The following TNR variants were observed in gnomAD, a reference collection of about 807,000 sequenced individuals.
The protein encoded by TNR is tenascin R, also known as tenascin-R.
TNR carries 45 observed loss-of-function variants against 150.4 expected under a neutral mutation model. The observed-to-expected ratio is 0.30, with a 90% CI of 0.24 to 0.38. The LOEUF is 0.38. TNR is among the 10% of genes least tolerant of loss of function. The pLI, the probability that TNR is intolerant of heterozygous loss-of-function variation, is 1.00. For missense variants in TNR, 1,544 were observed against 1,759.1 expected (o/e 0.88, Z 2.19); for synonymous variants, 687 against 678.4 (o/e 1.01, Z -0.20).
chr1:175,407,917 T>C (rs928511671), intron 2 of TNR, among the ~76,000 whole-genome samples: 1 of 152,212 alleles, frequency 6.6e-6, no homozygotes, highest in African/African-American at 2.4e-5. Context: ...AATTTTCTCT[T>C]GTCTTTGATG....
chr1:175,406,803 CA>C (rs1243701663), intron 2 of TNR, 26 bp from the exon 3 acceptor site: 18 of 1,534,802 alleles, frequency 1.2e-5, no homozygotes, highest in Non-Finnish European at 1.5e-5. Context: ...AGGAAAGAGA[CA>C]ACCTCTGAGA....
intron 2 of TNR, among the ~76,000 whole-genome samples, chr1:175,420,370 G>C (rs1456653653): frequency 6.6e-6 from 1 of 152,190 alleles, no homozygotes; most frequent in Admixed American, 6.5e-5. Flanking sequence ...AAATGCCAAA[G>C]TGATACAAGA....
At chr1:175,630,123 G>A (rs930715822) in intron 1 of TNR, among the ~76,000 whole-genome samples, 1 of 152,118 alleles carries the variant, frequency 6.6e-6, no homozygotes, top group South Asian at 2.1e-4. Context: ...TAGGAACAAG[G>A]GCTTTGCAGG....
intron 19 of TNR, among the ~76,000 whole-genome samples, 190 bp from the exon 20 acceptor site, chr1:175,335,997 A>G (rs911204806): frequency 7.2e-5 from 11 of 152,212 alleles, no homozygotes; most frequent in African/African-American, 2.4e-4. Flanking sequence ...TGTAGGAGAC[A>G]CTCAGAGCAT....
chr1:175,706,083 C>T (rs1180469329), intron 1 of TNR, among the ~76,000 whole-genome samples: 4 of 152,092 alleles, frequency 2.6e-5, no homozygotes, highest in African/African-American at 9.7e-5. Context: ...CGCCAACCCC[C>T]CACCAAAATC....
At chr1:175,555,556 G>A (rs1009696961) in intron 1 of TNR, among the ~76,000 whole-genome samples, 1 of 146,276 alleles carries the variant, frequency 6.8e-6, no homozygotes, top group African/African-American at 2.5e-5. Context: ...TTTGAGTTGA[G>A]ATGAAGACAC....
chr1:175,396,544 G>A lies in TNR; in HGVS notation c.1240C>T (p.His414Tyr), dbSNP rs78460048. 1.7e-5 allele frequency: 28 copies of A among 1,613,362 alleles called. No homozygotes were observed. In the African/African-American group the frequency reaches 2.0e-4, roughly 12 times the overall value. Residue 414 changes from histidine (H) to tyrosine (Y), a missense_variant and splice_region_variant, in exon 5 of 23, where the codon CAT becomes TAT. Physicochemically the swap from His to Tyr is moderately conservative, Grantham distance 83. This residue lies in a region of TNR where 1,254 missense variants were observed against 1,329.4 expected (regional missense o/e 0.94). Coordinates refer to ENST00000367674, the MANE Select transcript of TNR (RefSeq NM_003285.3). Reference protein sequence around the residue: ...SLPITAKVATHLSTPQGLQFK... With the variant: ...SLPITAKVATYLSTPQGLQFK... Reference sequence around the variant, plus strand: ...AGCAGGACGGGGAAATGGTACGTACGGGTGGCCACCTTGGCAGTGATGGGA... The same window carrying A: ...AGCAGGACGGGGAAATGGTACGTACAGGTGGCCACCTTGGCAGTGATGGGA...
In TNR at chr1:175,614,865, G is replaced by A. The variant is rs575310892; in HGVS notation, c.-164-86496C>T. On this transcript the variant is annotated intron_variant, in intron 1 of 22. Coordinates refer to ENST00000367674, the MANE Select transcript of TNR (RefSeq NM_003285.3). ...AGGTTCTTCCACACAGTGGGTGACC[G>A]GCTGTTCAATGGCAGGGCATTTGGG... Among the ~76,000 whole-genome samples the A allele has an allele frequency of 9.2e-5, 14 of 152,328 alleles. No homozygotes were observed. In the East Asian group the frequency reaches 2.5e-3, roughly 27 times the overall value.
At chr1:175,725,856 C>G (rs973773693) in intron 1 of TNR, among the ~76,000 whole-genome samples, 8 of 152,218 alleles carry the variant, frequency 5.3e-5, no homozygotes, top group Non-Finnish European at 7.3e-5. Flanking sequence ...TATTCAGCAC[C>G]TAGGACAGTT....
At chr1:175,677,614 G>T (rs1055108681) in intron 1 of TNR, among the ~76,000 whole-genome samples, 1 of 152,138 alleles carries the variant, frequency 6.6e-6, no homozygotes, top group African/African-American at 2.4e-5. Flanking sequence ...TTCCCAGGAG[G>T]AAAAGCCAAG....
Position 175,363,783 on chromosome 1 carries a change from C to A in TNR, c.2632G>T (p.Asp878Tyr). The change falls in exon 13 of 23, where the codon GAC (aspartate) becomes TAC (tyrosine). Residue 878 changes from aspartate to tyrosine, a missense_variant. By Grantham distance (160) the Asp-to-Tyr change is radical. Around this residue, in one of 2 missense-constraint regions of TNR, gnomAD observed 1,254 missense variants for 1,329.4 expected, o/e 0.94. Transcript: ENST00000367674. ...KDITISNVTK[D>Y]SVMVSWSPPV... ...GGGCTCCAGGAGACCATCACTGAGTCCTTGGTCACATTGCTAATTGTGATG... is the reference window on the plus strand; with the variant it reads ...GGGCTCCAGGAGACCATCACTGAGTACTTGGTCACATTGCTAATTGTGATG... 1 of 1,613,820 alleles carries A rather than the reference C, an allele frequency of 6.2e-7. No homozygotes were observed. Among genetic ancestry groups the A allele is most frequent in the Non-Finnish European group, 8.5e-7 (1 of 1,179,818 alleles).
At position 175,395,556 on chromosome 1, in the gene TNR, C is replaced by T. The variant is rs927389054; in HGVS notation, c.1240+988G>A. Among the ~76,000 whole-genome samples, 4 of 152,060 alleles carry T rather than the reference C, an allele frequency of 2.6e-5. No individual in the cohort carries two copies. The South Asian group carries it at 6.2e-4, about 24-fold the overall frequency. ...CTTCCCAGATTTTAATCAGATACAGCCCCTTTTTCATGATCTCTCCAAAGA... is the reference window on the plus strand; with the variant it reads ...CTTCCCAGATTTTAATCAGATACAGTCCCTTTTTCATGATCTCTCCAAAGA... On this transcript the variant is annotated intron_variant, in intron 5 of 22. Transcript: ENST00000367674.
At chr1:175,670,566 C>T (rs886230331) in intron 1 of TNR, among the ~76,000 whole-genome samples, 2 of 152,176 alleles carry the variant, frequency 1.3e-5, no homozygotes, top group African/African-American at 4.8e-5. Context: ...TGCAGCTCCA[C>T]ACGGGAACAC....
At chr1:175,416,693 C>T (rs1345709013) in intron 2 of TNR, among the ~76,000 whole-genome samples, 1 of 152,148 alleles carries the variant, frequency 6.6e-6, no homozygotes, top group Admixed American at 6.6e-5. Flanking sequence ...CTCCTTAGAA[C>T]AGATTGAGAA....
Position 175,642,018 on chromosome 1 carries a change from C to A in TNR, c.-165+101208G>T, listed in dbSNP as rs373541113. ...TCCCTGCTATCAAGTAGGTCATAAT[C>A]AGAGGAGACAGAGAGGCAGACCCGG... is the stretch of plus-strand genomic sequence containing the variant. On this transcript the variant is annotated intron_variant, in intron 1 of 22. Coordinates refer to ENST00000367674, the MANE Select transcript of TNR (RefSeq NM_003285.3). 7.2e-5 allele frequency among the ~76,000 whole-genome samples: 11 copies of A among 152,272 alleles called. No individual in the cohort carries two copies. In the East Asian group the frequency reaches 1.5e-3, roughly 21 times the overall value.
chr1:175,412,490 G>C (rs1013427180), intron 2 of TNR, among the ~76,000 whole-genome samples: 3 of 152,076 alleles, frequency 2.0e-5, no homozygotes, highest in African/African-American at 2.4e-5. Flanking sequence ...AGGAGCAATT[G>C]TAACCCAGTA....
chr1:175,427,221 T>C (rs1016919679), intron 2 of TNR, among the ~76,000 whole-genome samples: 2 of 151,180 alleles, frequency 1.3e-5, no homozygotes, highest in Admixed American at 6.6e-5. Context: ...AAATCATTGC[T>C]CCAGAGCAGC....
At chr1:175,595,622 C>A (rs1358612622) in intron 1 of TNR, among the ~76,000 whole-genome samples, 1 of 152,162 alleles carries the variant, frequency 6.6e-6, no homozygotes, top group South Asian at 2.1e-4. Flanking sequence ...TGGTCTGTCC[C>A]ATCTTTTCTG....
chr1:175,366,139 C>A lies in TNR; in HGVS notation c.2054-1G>T. ...ATGAGGTCTCGGGGACTGTCAAGTT[C>A]TGTGGATTGACATAAATGGCCTATT... On this transcript the variant is annotated splice_acceptor_variant, in intron 10 of 22. Transcript: ENST00000367674. LOFTEE classifies it high-confidence loss of function. 6.3e-7 allele frequency: 1 copy of A among 1,593,178 alleles called. No homozygotes were observed. The highest frequency in any genetic ancestry group is 1.1e-5 in the South Asian group (1 of 87,298).
Sources: allele counts gnomAD v4.1 joint callset (sites outside exome capture counted in the v4.1 genomes callset), GRCh38; gene constraint gnomAD v4.1.1; regional missense constraint gnomAD v4.1.1; transcripts MANE v1.5; gene names NCBI Gene and HGNC (gene_info 2026-07-23, HGNC 2026-07-21).